The following TNPO3 variants were observed in gnomAD, a reference collection of about 807,000 sequenced individuals.
TNPO3 encodes transportin 3.
Under a neutral mutation model 122.8 loss-of-function variants are expected in TNPO3, and 65 were observed. That is an observed-to-expected ratio of 0.53 (90% CI 0.43 to 0.65). The LOEUF is 0.65. TNPO3 is among the 30% of genes least tolerant of loss of function. The pLI is 0.00. For missense variants in TNPO3, 850 were observed against 1,136.7 expected (o/e 0.75, Z 3.63); for synonymous variants, 372 against 411.2 (o/e 0.90, Z 1.15).
intron 1 of TNPO3, among the ~76,000 whole-genome samples, chr7:129,034,274 A>T (rs1465472006): frequency 6.6e-6 from 1 of 152,180 alleles, no homozygotes; most frequent in Admixed American, 6.5e-5. Flanking sequence ...TAATCCCAAC[A>T]CTTTGGGAGA....
At chr7:128,990,844 T>G (rs1438030405) in intron 10 of TNPO3, among the ~76,000 whole-genome samples, 1 of 152,132 alleles carries the variant, frequency 6.6e-6, no homozygotes, top group Non-Finnish European at 1.5e-5. Context: ...AATCCAGAAA[T>G]GAAAGATGTT....
At chr7:128,991,963 T>C in intron 10 of TNPO3, 36 bp downstream of exon 10, 1 of 1,432,260 alleles carries the variant, frequency 7.0e-7, no homozygotes, top group Non-Finnish European at 9.6e-7. Flanking sequence ...CTCTTGATAT[T>C]TAGAGTTCCC....
intron 1 of TNPO3, among the ~76,000 whole-genome samples, chr7:129,039,243 A>G (rs1180227921): frequency 6.6e-6 from 1 of 152,188 alleles, no homozygotes. Context: ...TGAAAACAGG[A>G]TGCCATTCCT....
intron 4 of TNPO3, 31 bp downstream of exon 4, chr7:129,014,948 T>C: frequency 6.5e-7 from 1 of 1,541,818 alleles, no homozygotes; most frequent in Non-Finnish European, 8.7e-7. Flanking sequence ...TCTGCCTTTA[T>C]GCAGCAACTT....
intron 20 of TNPO3, among the ~76,000 whole-genome samples, chr7:128,968,170 T>C (rs1045136543): frequency 6.6e-6 from 1 of 152,204 alleles, no homozygotes; most frequent in Non-Finnish European, 1.5e-5. Context: ...TCAGAAAGTA[T>C]ACATATGAGA....
chr7:128,997,412 G>A lies in TNPO3; in HGVS notation c.1135C>T (p.His379Tyr). 1 of 1,614,194 alleles carries A rather than the reference G, an allele frequency of 6.2e-7. No individual in the cohort carries two copies. The highest frequency in any genetic ancestry group is 8.5e-7 in the Non-Finnish European group (1 of 1,180,008). Residue 379 changes from histidine (H) to tyrosine (Y), a missense_variant, in exon 8 of 23, where the codon CAC becomes TAC. His to Tyr is a moderately conservative substitution (Grantham distance 83). Transcript: ENST00000265388. ...IQRLLHALAR[H>Y]CQLEPDHEGV... ...ACATGGTCTGGTTCCAGCTGGCAGT[G>A]TCGAGCCAAGGCGTGAAGCAGCCTC...
chr7:128,989,855 C>T (rs561709296), intron 11 of TNPO3, 106 bp downstream of exon 11: 1 of 1,263,126 alleles, frequency 7.9e-7, no homozygotes, highest in Non-Finnish European at 1.1e-6. Flanking sequence ...TATAAACACT[C>T]CGTGTTAAAA....
intron 1 of TNPO3, among the ~76,000 whole-genome samples, chr7:129,021,453 AT>A (rs1464335051): frequency 1.3e-5 from 2 of 152,214 alleles, no homozygotes; most frequent in East Asian, 3.9e-4. Flanking sequence ...TTTAGCCTTT[AT>A]AAAACCTTGA....
chr7:129,000,897 C>T (rs1801872930), intron 6 of TNPO3, among the ~76,000 whole-genome samples, 162 bp downstream of exon 6: 1 of 152,346 alleles, frequency 6.6e-6, no homozygotes, highest in South Asian at 2.1e-4. Context: ...CAATTTGCCA[C>T]TCTAGGTTCA....
intron 16 of TNPO3, among the ~76,000 whole-genome samples, chr7:128,976,433 T>G (rs111915131): frequency 6.6e-6 from 1 of 152,212 alleles, no homozygotes; most frequent in African/African-American, 2.4e-5. Flanking sequence ...ACGAAGATAT[T>G]TGGATTTCAA....
intron 1 of TNPO3, among the ~76,000 whole-genome samples, chr7:129,021,164 G>A (rs951690547): frequency 4.6e-5 from 7 of 151,868 alleles, no homozygotes; most frequent in African/African-American, 1.2e-4. Flanking sequence ...AAGACCAGTC[G>A]GGCCAATATG....
chr7:128,972,329 G>C lies in TNPO3; in HGVS notation c.2430+97C>G. On this transcript the variant is annotated intron_variant, in intron 19 of 22. Transcript: ENST00000265388. ...ATATATGTCTACCAATATAGATCAA[G>C]TAAGGAAATACTGGGATGCTGGTTT... The C allele has an allele frequency of 2.2e-6, 3 of 1,358,412 alleles. No individual in the cohort carries two copies. In the African/African-American group the frequency reaches 4.3e-5, roughly 20 times the overall value. 84.1% of individuals were successfully genotyped at this position (1,358,412 alleles called of 1,614,324 possible).
chr7:128,979,057 A>AACAAC lies in TNPO3; in HGVS notation c.1982_1986dup (p.Cys663ValfsTer13). ...CGAACAGCAAAGCGCAGGCACCTGC[A>AACAAC]ACAACGCTCTACAATCCGATTATCA... is the stretch of plus-strand genomic sequence containing the variant. On this transcript the variant is annotated frameshift_variant, in exon 16 of 23. Coordinates refer to ENST00000265388, the MANE Select transcript of TNPO3 (RefSeq NM_012470.4). LOFTEE classifies it high-confidence loss of function. 6.2e-7 allele frequency: 1 copy of AACAAC among 1,614,272 alleles called. No individual in the cohort carries two copies. The highest frequency in any genetic ancestry group is 8.5e-7 in the Non-Finnish European group (1 of 1,180,050).
intron 9 of TNPO3, 128 bp downstream of exon 9, chr7:128,993,679 C>G (rs1402322504): frequency 2.6e-6 from 2 of 757,240 alleles, no homozygotes; most frequent in African/African-American, 3.5e-5. Flanking sequence ...GTGCTAGGCA[C>G]TTGCATATCT....
In TNPO3 at chr7:129,054,991, T is replaced by G. The variant is rs1029634831; in HGVS notation, c.-221A>C. ...TTCAGGTTCCTGGCCTTTTTTCCGG[T>G]TTTTCCACTTGATTCTAGACTCTTG... On this transcript the variant is annotated 5_prime_UTR_variant, in exon 1 of 23. Coordinates refer to ENST00000265388, the MANE Select transcript of TNPO3 (RefSeq NM_012470.4). The G allele has an allele frequency of 3.6e-6, 2 of 557,258 alleles. No homozygotes were observed. The highest frequency in any genetic ancestry group is 6.3e-6 in the Non-Finnish European group (2 of 315,672). The allele number at this position is 557,258 out of a possible 1,614,324, so 34.5% of individuals were successfully genotyped here.
At chr7:128,961,978 CTTAG>C (rs1473700152) in intron 21 of TNPO3, among the ~76,000 whole-genome samples, 1 of 152,102 alleles carries the variant, frequency 6.6e-6, no homozygotes, top group African/African-American at 2.4e-5. Flanking sequence ...CCCAATTGGT[CTTAG>C]TTAATGATAG....
intron 1 of TNPO3, among the ~76,000 whole-genome samples, chr7:129,047,181 T>C (rs1808157592): frequency 1.3e-5 from 2 of 152,222 alleles, no homozygotes; most frequent in Non-Finnish European, 2.9e-5. Context: ...GTTTCCATAC[T>C]GAACTATAAA....
In TNPO3 at chr7:128,982,307, G is replaced by A; in HGVS notation, c.1800C>T (p.Pro600=). Residue 600 remains proline, a synonymous_variant, in exon 14 of 23, where the codon CCC becomes CCT. Coordinates refer to ENST00000265388, the MANE Select transcript of TNPO3 (RefSeq NM_012470.4). The part of the protein sequence containing the change: ...MALKKLLSQE[P]SNGISSDPTV... ...TGGGATCTGAGGATATGCCATTGCT[G>A]GGCTCTTGAGACAACAGCTGAAGAG... 3 of 1,613,044 alleles carry A rather than the reference G, an allele frequency of 1.9e-6. No individual in the cohort carries two copies. The highest frequency in any genetic ancestry group is 2.5e-6 in the Non-Finnish European group (3 of 1,179,392).
At chr7:128,969,035 T>A (rs1214442034) in intron 20 of TNPO3, among the ~76,000 whole-genome samples, 1 of 152,202 alleles carries the variant, frequency 6.6e-6, no homozygotes, top group Non-Finnish European at 1.5e-5. Context: ...TGATATACAG[T>A]ACACTCCTTA....
Sources: allele counts gnomAD v4.1 joint callset (sites outside exome capture counted in the v4.1 genomes callset), GRCh38; gene constraint gnomAD v4.1.1; transcripts MANE v1.5; gene names NCBI Gene and HGNC (gene_info 2026-07-23, HGNC 2026-07-21).